FCHSD2: variants seen among roughly 807,000 people sequenced by gnomAD.
The protein encoded by FCHSD2 is F-BAR and double SH3 domains protein 2.
In FCHSD2, 38 loss-of-function variants were observed where a neutral mutation model predicts 108.1. The observed-to-expected ratio is 0.35, with a 90% CI of 0.27 to 0.46. The LOEUF (loss-of-function observed/expected upper bound fraction) is 0.46, where lower values mean the gene tolerates loss of function less well. Ranked by LOEUF, FCHSD2 falls within the 20% of genes least tolerant of loss-of-function variation. FCHSD2 has a pLI of 1.00. For missense variants in FCHSD2, 751 were observed against 897.8 expected, an observed-to-expected ratio of 0.84 and a Z score of 2.09; for synonymous variants, 279 against 314.7, an observed-to-expected ratio of 0.89 and a Z score of 1.20.
chr11:72,934,332 T>C (rs76314706), intron 8 of FCHSD2, among the ~76,000 whole-genome samples: 1 of 136,638 alleles, frequency 7.3e-6, no homozygotes, highest in Non-Finnish European at 1.6e-5. Context: ...GAGCCATGCC[T>C]TTTTTTTTTT....
chr11:73,045,191 A>G (rs551221482), intron 3 of FCHSD2, among the ~76,000 whole-genome samples: 2 of 152,288 alleles, frequency 1.3e-5, no homozygotes, highest in East Asian at 3.9e-4. Flanking sequence ...TGGCCATCAG[A>G]GAAATGCAAA....
chr11:73,110,348 T>C (rs965501055), intron 2 of FCHSD2, among the ~76,000 whole-genome samples: 3 of 152,164 alleles, frequency 2.0e-5, no homozygotes, highest in Non-Finnish European at 4.4e-5. Context: ...CGATATTTTA[T>C]TACGGCTTCA....
chr11:73,141,959 G>C lies in FCHSD2; in HGVS notation c.-82C>G, dbSNP rs990321922. The C allele has an allele frequency of 4.3e-6, 6 of 1,387,952 alleles. No homozygotes were observed. Among genetic ancestry groups the C allele is most frequent in the Non-Finnish European group, 4.9e-6 (5 of 1,021,920 alleles). The allele number at this position is 1,387,952 out of a possible 1,614,324, so 86.0% of individuals were successfully genotyped here. ...GGAGGAGGGCCGGAGAGGAGGGGAC[G>C]GCCCAGCGAGCGCGCGCGTGTGTGA... On this transcript the variant is annotated 5_prime_UTR_variant, in exon 1 of 20. Transcript: ENST00000409418.
chr11:72,972,372 G>GTC (rs1294234029), intron 8 of FCHSD2, among the ~76,000 whole-genome samples: 5 of 152,178 alleles, frequency 3.3e-5, no homozygotes, highest in African/African-American at 1.2e-4. Flanking sequence ...GGAAAATCCT[G>GTC]TCTTAGAACA....
At chr11:73,069,323 A>T (rs1386327407) in intron 3 of FCHSD2, among the ~76,000 whole-genome samples, 1 of 150,814 alleles carries the variant, frequency 6.6e-6, no homozygotes, top group Non-Finnish European at 1.5e-5. Flanking sequence ...AAAAAAAAAA[A>T]AAAAAAAAAG....
At chr11:72,919,489 A>G (rs1021915613) in intron 9 of FCHSD2, among the ~76,000 whole-genome samples, 3 of 152,208 alleles carry the variant, frequency 2.0e-5, no homozygotes, top group Admixed American at 1.3e-4. Context: ...GGAAAGCACT[A>G]TGTGTGAGTG....
At chr11:73,059,693 C>A (rs1859116009) in intron 3 of FCHSD2, among the ~76,000 whole-genome samples, 1 of 152,058 alleles carries the variant, frequency 6.6e-6, no homozygotes, top group Non-Finnish European at 1.5e-5. Flanking sequence ...ATGAATTTTA[C>A]TAAAAATTTT....
At chr11:72,940,890 G>T (rs1010444356) in intron 8 of FCHSD2, 9 of 892,336 alleles carry the variant, frequency 1.0e-5, no homozygotes, top group Non-Finnish European at 1.7e-5. Flanking sequence ...AATTTTTTGA[G>T]GTTATCCTCA....
chr11:73,046,174 A>G (rs77263609), intron 3 of FCHSD2, among the ~76,000 whole-genome samples: 2,879 of 152,094 alleles, frequency 0.019, 50 homozygotes, highest in African/African-American at 0.049. Context: ...AATGTTTTGT[A>G]AAGACAGGGG....
chr11:73,097,772 T>C (rs1860126313), intron 2 of FCHSD2, among the ~76,000 whole-genome samples: 2 of 152,208 alleles, frequency 1.3e-5, no homozygotes, highest in Non-Finnish European at 2.9e-5. Context: ...TTATTCATGT[T>C]ATCATAATCC....
intron 12 of FCHSD2, among the ~76,000 whole-genome samples, chr11:72,874,853 T>G (rs1445682464): frequency 6.6e-6 from 1 of 152,222 alleles, no homozygotes; most frequent in Non-Finnish European, 1.5e-5. Context: ...ATTTGCCAAC[T>G]TATTAAAAAT....
chr11:72,942,591 T>C (rs984729961), intron 8 of FCHSD2, among the ~76,000 whole-genome samples: 1 of 152,238 alleles, frequency 6.6e-6, no homozygotes, highest in Non-Finnish European at 1.5e-5. Flanking sequence ...TGTGAAGTTA[T>C]TTTAATTTAT....
At chr11:73,054,183 C>T (rs969636254) in intron 3 of FCHSD2, among the ~76,000 whole-genome samples, 3 of 151,826 alleles carry the variant, frequency 2.0e-5, no homozygotes, top group Non-Finnish European at 2.9e-5. Context: ...GACCATATGG[C>T]CCTCAAAGCA....
chr11:73,030,223 G>C (rs1338405208), intron 3 of FCHSD2, among the ~76,000 whole-genome samples: 6 of 152,134 alleles, frequency 3.9e-5, no homozygotes, highest in African/African-American at 7.2e-5. Flanking sequence ...GGTAATCACA[G>C]TATCTTGTCC....
intron 4 of FCHSD2, among the ~76,000 whole-genome samples, chr11:73,008,830 C>T (rs569102737): frequency 2.9e-4 from 44 of 151,478 alleles, no homozygotes; most frequent in Non-Finnish European, 5.0e-4. Context: ...CTTAACATTT[C>T]AGATATGAAG....
chr11:72,948,023 T>G lies in FCHSD2; in HGVS notation c.706-26073A>C, dbSNP rs1236856350. Among the ~76,000 whole-genome samples the G allele has an allele frequency of 2.0e-5, 3 of 152,230 alleles. No individual in the cohort carries two copies. In the East Asian group the frequency reaches 5.8e-4, roughly 29 times the overall value. On this transcript the variant is annotated intron_variant, in intron 8 of 19. Transcript: ENST00000409418. ...TTGTTTGTCTGTTTTGTTTTGTTTT[T>G]TTGAGACAAAGTCTCACTCTGTCAC...
At chr11:72,981,363 T>C (rs1017450813) in intron 8 of FCHSD2, among the ~76,000 whole-genome samples, 2 of 152,160 alleles carry the variant, frequency 1.3e-5, no homozygotes, top group Admixed American at 6.5e-5. Flanking sequence ...GCCCTTTAAC[T>C]TCCTCTTTGC....
chr11:73,071,901 C>T (rs1395419661), intron 3 of FCHSD2, among the ~76,000 whole-genome samples: 1 of 151,998 alleles, frequency 6.6e-6, no homozygotes, highest in African/African-American at 2.4e-5. Context: ...GACACATGAT[C>T]TTAATATATG....
chr11:72,852,208 A>G (rs543959935), intron 13 of FCHSD2, among the ~76,000 whole-genome samples: 14 of 152,158 alleles, frequency 9.2e-5, no homozygotes, highest in African/African-American at 3.1e-4. Flanking sequence ...TATTATTTAA[A>G]AAGTCAAAAA....
Sources: gnomAD v4.1 joint callset for allele counts (sites outside exome capture counted in the v4.1 genomes callset) on GRCh38, gnomAD v4.1.1 for gene constraint, MANE v1.5 for transcripts, NCBI Gene and HGNC (gene_info 2026-07-23, HGNC 2026-07-21) for gene names.